Variants in KCNAB1 observed in about 807,000 individuals in gnomAD.
The protein encoded by KCNAB1 is potassium voltage-gated channel subfamily A regulatory beta subunit 1, also known as voltage-gated potassium channel subunit beta-1.
KCNAB1 carries 35 observed loss-of-function variants against 64.6 expected under a neutral mutation model. That is an observed-to-expected ratio of 0.54 (90% CI 0.41 to 0.72). KCNAB1 has a LOEUF of 0.72. KCNAB1 is among the 30% of genes least tolerant of loss of function. The probability of loss-of-function intolerance (pLI) is 0.00; values close to 1 mark genes in which losing one functional copy is unlikely to be tolerated. For missense variants in KCNAB1, 401 were observed against 512.9 expected (o/e 0.78, Z 2.11); for synonymous variants, 177 against 183.8 (o/e 0.96, Z 0.30).
intron 11 of KCNAB1, among the ~76,000 whole-genome samples, chr3:156,518,252 A>G (rs1041204467): frequency 6.6e-6 from 1 of 152,216 alleles, no homozygotes; most frequent in Non-Finnish European, 1.5e-5. Flanking sequence ...CTCTCAACAG[A>G]TGAAAGGTGG....
At chr3:156,513,219 A>C (rs111509588) in intron 8 of KCNAB1, among the ~76,000 whole-genome samples, 2,329 of 152,270 alleles carry the variant, frequency 0.015, 36 homozygotes, top group African/African-American at 0.04. Context: ...CTCAAAAAAA[A>C]AACAACAACA....
At chr3:156,188,749 G>T (rs1016718071) in intron 1 of KCNAB1, among the ~76,000 whole-genome samples, 1 of 152,140 alleles carries the variant, frequency 6.6e-6, no homozygotes, top group South Asian at 2.1e-4. Flanking sequence ...GAACTTTAAT[G>T]GTGTCTCAGT....
At chr3:156,487,209 T>C (rs372975243) in intron 8 of KCNAB1, among the ~76,000 whole-genome samples, 16 of 152,134 alleles carry the variant, frequency 1.1e-4, no homozygotes, top group African/African-American at 3.6e-4. Context: ...CGAGTCTCCA[T>C]AAATTACAGA....
chr3:156,225,400 C>T lies in KCNAB1; in HGVS notation c.275+104514C>T, dbSNP rs939174484. 1.2e-4 allele frequency among the ~76,000 whole-genome samples: 19 copies of T among 152,210 alleles called. 1 individual carries two copies. The highest frequency in any genetic ancestry group is 4.2e-4 in the South Asian group (2 of 4,818). ...TTATGATTAAAATCCTCAGCAAAATCGGCATAGAAGGGACAAACGTTAAGG... is the reference window on the plus strand; with the variant it reads ...TTATGATTAAAATCCTCAGCAAAATTGGCATAGAAGGGACAAACGTTAAGG... On this transcript the variant is annotated intron_variant, in intron 1 of 13. Transcript: ENST00000490337.
chr3:156,261,874 A>C (rs1443308088), intron 1 of KCNAB1, among the ~76,000 whole-genome samples: 2 of 152,060 alleles, frequency 1.3e-5, no homozygotes, highest in Non-Finnish European at 2.9e-5. Flanking sequence ...GAATATGAAC[A>C]TTATTTAGAT....
At chr3:156,183,257 G>A (rs1712985891) in intron 1 of KCNAB1, among the ~76,000 whole-genome samples, 2 of 152,062 alleles carry the variant, frequency 1.3e-5, no homozygotes, top group African/African-American at 2.4e-5. Flanking sequence ...AGGGTGCAGA[G>A]CCAAATTGAG....
intron 13 of KCNAB1, among the ~76,000 whole-genome samples, chr3:156,536,250 A>G (rs1485145512): frequency 1.3e-5 from 2 of 152,246 alleles, no homozygotes; most frequent in African/African-American, 4.8e-5. Context: ...GTGACTTAGT[A>G]CCAAAAACAA....
chr3:156,169,471 T>A (rs1711823892), intron 1 of KCNAB1, among the ~76,000 whole-genome samples: 1 of 152,216 alleles, frequency 6.6e-6, no homozygotes, highest in Non-Finnish European at 1.5e-5. Context: ...TTGTTCTTGT[T>A]CTCTTTGGAT....
chr3:156,402,503 C>G (rs1713976870), intron 1 of KCNAB1, among the ~76,000 whole-genome samples: 2 of 152,174 alleles, frequency 1.3e-5, no homozygotes, highest in African/African-American at 4.8e-5. Flanking sequence ...CTACATTCCT[C>G]CAACACCTGC....
At position 156,425,009 on chromosome 3, in the gene KCNAB1, A is replaced by G. The variant is rs193137800; in HGVS notation, c.319+3350A>G. Among the ~76,000 whole-genome samples the G allele has an allele frequency of 7.0e-3, 1,071 of 152,338 alleles. 14 individuals carry two copies. The highest frequency in any genetic ancestry group is 0.025 in the African/African-American group (1,024 of 41,574). ...AAGCACTCTTTCAGAACTTTTTTGA[A>G]CTGCCTCTATAAGCCAGAGGAGACA... is the stretch of plus-strand genomic sequence containing the variant. On this transcript the variant is annotated intron_variant, in intron 2 of 13. Transcript: ENST00000490337.
intron 1 of KCNAB1, among the ~76,000 whole-genome samples, chr3:156,168,144 A>G (rs1246923398): frequency 1.3e-5 from 2 of 152,172 alleles, no homozygotes; most frequent in African/African-American, 4.8e-5. Context: ...CAGAGGTTAC[A>G]GTGAGCTGAG....
intron 1 of KCNAB1, among the ~76,000 whole-genome samples, chr3:156,406,352 T>C (rs1714246106): frequency 6.6e-6 from 1 of 152,108 alleles, no homozygotes; most frequent in African/African-American, 2.4e-5. Context: ...CACTAGGGAC[T>C]GGAATCTATC....
intron 1 of KCNAB1, among the ~76,000 whole-genome samples, chr3:156,309,736 AG>A (rs1418114324): frequency 6.6e-6 from 1 of 152,236 alleles, no homozygotes. Flanking sequence ...TGCTTACGAA[AG>A]GAGTGGTGTA....
chr3:156,253,098 T>A (rs1560159732), intron 1 of KCNAB1, among the ~76,000 whole-genome samples: 2 of 152,354 alleles, frequency 1.3e-5, no homozygotes, highest in South Asian at 4.1e-4. Context: ...ATTCATAGCA[T>A]AATTTTAACT....
At chr3:156,305,242 C>T (rs1721417942) in intron 1 of KCNAB1, among the ~76,000 whole-genome samples, 1 of 152,158 alleles carries the variant, frequency 6.6e-6, no homozygotes, top group African/African-American at 2.4e-5. Flanking sequence ...AAATTAAGTT[C>T]TGTGAACATA....
intron 1 of KCNAB1, among the ~76,000 whole-genome samples, chr3:156,146,297 T>A (rs1715035403): frequency 6.6e-6 from 1 of 152,198 alleles, no homozygotes; most frequent in Non-Finnish European, 1.5e-5. Flanking sequence ...TTAAAATTCA[T>A]TTTATCAGTG....
At chr3:156,285,153 A>G (rs552995021) in intron 1 of KCNAB1, among the ~76,000 whole-genome samples, 6 of 152,318 alleles carry the variant, frequency 3.9e-5, no homozygotes, top group African/African-American at 1.4e-4. Flanking sequence ...CATTTTTAAT[A>G]TTAGTGATAT....
At chr3:156,145,623 G>A (rs980872657) in intron 1 of KCNAB1, among the ~76,000 whole-genome samples, 2 of 152,124 alleles carry the variant, frequency 1.3e-5, no homozygotes, top group Non-Finnish European at 2.9e-5. Context: ...AACAACCTCT[G>A]TTAAGCCTTG....
intron 1 of KCNAB1, among the ~76,000 whole-genome samples, chr3:156,298,816 G>C (rs189610520): frequency 1.3e-5 from 2 of 152,162 alleles, no homozygotes; most frequent in Admixed American, 1.3e-4. Context: ...AAGAAGATTC[G>C]ATATTGCAAG....
Sources: allele counts gnomAD v4.1 joint callset (sites outside exome capture counted in the v4.1 genomes callset), GRCh38; gene constraint gnomAD v4.1.1; transcripts MANE v1.5; gene names NCBI Gene and HGNC (gene_info 2026-07-23, HGNC 2026-07-21).